The following CSMD3 variants were observed in gnomAD, a reference collection of about 807,000 sequenced individuals.
CSMD3 encodes CUB and sushi domain-containing protein 3.
CSMD3 carries 177 observed loss-of-function variants against 435.2 expected under a neutral mutation model. That is an observed-to-expected ratio of 0.41 (90% CI 0.36 to 0.46). The LOEUF (loss-of-function observed/expected upper bound fraction) is 0.46, where lower values mean the gene tolerates loss of function less well. Among genes scored for constraint, CSMD3 ranks in the 20% least tolerant of loss-of-function variants. The pLI, the probability that CSMD3 is intolerant of heterozygous loss-of-function variation, is 0.34. For missense variants in CSMD3, 4,265 were observed against 4,504.6 expected, an observed-to-expected ratio of 0.95 and a Z score of 1.52; for synonymous variants, 1,656 against 1,520.5, an observed-to-expected ratio of 1.09 and a Z score of -2.07.
chr8:112,713,767 T>A (rs139633199), intron 13 of CSMD3, among the ~76,000 whole-genome samples: 1 of 152,110 alleles, frequency 6.6e-6, no homozygotes, highest in Non-Finnish European at 1.5e-5. Flanking sequence ...GGGACCAATA[T>A]TCAACATTCT....
chr8:113,327,459 G>A (rs1169767115), intron 1 of CSMD3, among the ~76,000 whole-genome samples: 1 of 151,940 alleles, frequency 6.6e-6, no homozygotes, highest in South Asian at 2.1e-4. Flanking sequence ...AAAAACTGCT[G>A]AACCTTACTA....
At chr8:112,435,810 TCC>T (rs772049230) in intron 32 of CSMD3, among the ~76,000 whole-genome samples, 1 of 151,822 alleles carries the variant, frequency 6.6e-6, no homozygotes, top group Non-Finnish European at 1.5e-5. Context: ...TGTGCATTTT[TCC>T]TCTCTGTATT....
At chr8:113,350,102 A>G (rs1292307335) in intron 1 of CSMD3, among the ~76,000 whole-genome samples, 1 of 151,968 alleles carries the variant, frequency 6.6e-6, no homozygotes, top group Non-Finnish European at 1.5e-5. Flanking sequence ...GGTCCAGGTC[A>G]TTTGAGTAAA....
chr8:112,282,908 CTT>C (rs1482851508), intron 58 of CSMD3, among the ~76,000 whole-genome samples: 1 of 152,066 alleles, frequency 6.6e-6, no homozygotes, highest in Non-Finnish European at 1.5e-5. Flanking sequence ...CAAACCATCT[CTT>C]CTCACAAGAG....
intron 13 of CSMD3, among the ~76,000 whole-genome samples, chr8:112,797,023 C>A (rs2078845922): frequency 6.6e-6 from 1 of 151,946 alleles, no homozygotes; most frequent in African/African-American, 2.4e-5. Flanking sequence ...TCTTGATTTG[C>A]AACATTTGTT....
At chr8:113,171,911 G>A (rs919294590) in intron 4 of CSMD3, among the ~76,000 whole-genome samples, 4 of 152,260 alleles carry the variant, frequency 2.6e-5, no homozygotes, top group South Asian at 4.1e-4. Context: ...CTTGAGAGAC[G>A]GAGATAGTGC....
intron 3 of CSMD3, among the ~76,000 whole-genome samples, chr8:113,250,837 C>T (rs900708042): frequency 1.3e-5 from 2 of 151,954 alleles, no homozygotes; most frequent in African/African-American, 4.8e-5. Flanking sequence ...TTGCTCACAG[C>T]GTCACAGCAG....
rs570299498 is a variant in CSMD3, at chr8:113,240,054, T to A, written c.514+38538A>T. Among the ~76,000 whole-genome samples, 4 of 152,220 alleles carry A rather than the reference T, an allele frequency of 2.6e-5. No individual in the cohort carries two copies. The East Asian group carries it at 7.7e-4, about 29-fold the overall frequency. ...AGTGTGTGTTGTTCCCCTCTATGTG[T>A]CCATGTGTTCTCATCATTTAGCTCT... On this transcript the variant is annotated intron_variant, in intron 3 of 70. Coordinates refer to ENST00000297405, the MANE Select transcript of CSMD3 (RefSeq NM_198123.2).
intron 23 of CSMD3, among the ~76,000 whole-genome samples, chr8:112,586,165 A>C (rs1410134550): frequency 6.6e-6 from 1 of 151,594 alleles, no homozygotes; most frequent in Non-Finnish European, 1.5e-5. Flanking sequence ...GAAACTAACC[A>C]ATAACATTAA....
chr8:112,416,897 C>T (rs571693907), intron 32 of CSMD3, among the ~76,000 whole-genome samples: 3 of 144,276 alleles, frequency 2.1e-5, no homozygotes, highest in African/African-American at 7.3e-5. Flanking sequence ...AATTAAAATA[C>T]GTAAGAGGTT....
chr8:113,243,969 C>T (rs1348573012), intron 3 of CSMD3, among the ~76,000 whole-genome samples: 1 of 151,984 alleles, frequency 6.6e-6, no homozygotes, highest in Non-Finnish European at 1.5e-5. Flanking sequence ...TTTTATTTTT[C>T]GGTTGTAAGC....
intron 32 of CSMD3, among the ~76,000 whole-genome samples, chr8:112,446,372 A>G (rs189992991): frequency 1.5e-4 from 23 of 152,362 alleles, no homozygotes; most frequent in African/African-American, 4.8e-4. Flanking sequence ...ACAATAATCA[A>G]TCACATTATA....
At chr8:112,685,816 T>C in intron 14 of CSMD3, 84 bp from the exon 15 acceptor site, 1 of 869,114 alleles carries the variant, frequency 1.2e-6, no homozygotes, top group Non-Finnish European at 1.9e-6. Context: ...ACAATTATGA[T>C]AATCAATTAG....
intron 27 of CSMD3, among the ~76,000 whole-genome samples, chr8:112,530,375 T>C (rs941132500): frequency 6.6e-6 from 1 of 152,114 alleles, no homozygotes; most frequent in African/African-American, 2.4e-5. Flanking sequence ...TTGTCAATAG[T>C]CATCAAAGAC....
At chr8:112,828,964 A>T (rs1049290363) in intron 12 of CSMD3, among the ~76,000 whole-genome samples, 8 of 152,118 alleles carry the variant, frequency 5.3e-5, no homozygotes, top group African/African-American at 1.9e-4. Context: ...TTATTACAGG[A>T]TTCTGGAATA....
At position 112,713,662 on chromosome 8, in the gene CSMD3, A is replaced by T. The variant is rs187594172; in HGVS notation, c.1973-23612T>A. On this transcript the variant is annotated intron_variant, in intron 13 of 70. Coordinates refer to ENST00000297405, the MANE Select transcript of CSMD3 (RefSeq NM_198123.2). ...TGAAATAAAGGAAAAAATGTTAAGGACAGCCAGACAAAAAGGCCAGGTCAC... is the reference window on the plus strand; with the variant it reads ...TGAAATAAAGGAAAAAATGTTAAGGTCAGCCAGACAAAAAGGCCAGGTCAC... 2.6e-3 allele frequency among the ~76,000 whole-genome samples: 389 copies of T among 152,278 alleles called. 1 individual carries two copies. The highest frequency in any genetic ancestry group is 2.8e-3 in the Non-Finnish European group (193 of 68,018).
intron 51 of CSMD3, 21 bp from the exon 52 acceptor site, chr8:112,304,936 G>A (rs747942605): frequency 6.3e-7 from 1 of 1,582,084 alleles, no homozygotes; most frequent in Non-Finnish European, 8.7e-7. Flanking sequence ...ACCAAAGGGT[G>A]TAATTGCTAA....
At chr8:112,911,549 C>T (rs1451707295) in intron 10 of CSMD3, among the ~76,000 whole-genome samples, 1 of 151,566 alleles carries the variant, frequency 6.6e-6, no homozygotes, top group Non-Finnish European at 1.5e-5. Context: ...GCAGACTCTC[C>T]TCCGGGTTCA....
At chr8:113,261,603 C>G (rs2093428054) in intron 3 of CSMD3, among the ~76,000 whole-genome samples, 1 of 152,030 alleles carries the variant, frequency 6.6e-6, no homozygotes. Context: ...TCCCTTGGTT[C>G]AAGCTGAAAA....
Sources: gnomAD v4.1 joint callset for allele counts (sites outside exome capture counted in the v4.1 genomes callset) on GRCh38, gnomAD v4.1.1 for gene constraint, MANE v1.5 for transcripts, NCBI Gene and HGNC (gene_info 2026-07-23, HGNC 2026-07-21) for gene names.